CYFIP1: variants seen among roughly 807,000 people sequenced by gnomAD.
The protein encoded by CYFIP1 is cytoplasmic FMR1 interacting protein 1.
A neutral mutation model predicts 163.5 loss-of-function variants in CYFIP1; 58 were observed. That is an observed-to-expected ratio of 0.35 (90% CI 0.29 to 0.44). The LOEUF is 0.44. Ranked by LOEUF, CYFIP1 falls within the 20% of genes least tolerant of loss-of-function variation. The probability of loss-of-function intolerance (pLI) is 1.00; values close to 1 mark genes in which losing one functional copy is unlikely to be tolerated. For synonymous variants in CYFIP1, 663 were observed against 660.7 expected, an observed-to-expected ratio of 1.00 and a Z score of -0.05; for missense variants, 1,338 against 1,653.8, an observed-to-expected ratio of 0.81 and a Z score of 3.31.
At chr15:22,953,938 C>A (rs2062349757) in intron 1 of CYFIP1, among the ~76,000 whole-genome samples, 1 of 152,156 alleles carries the variant, frequency 6.6e-6, no homozygotes, top group Non-Finnish European at 1.5e-5. Context: ...CGCCTGTAGT[C>A]CCAGCTACTC....
At chr15:22,889,054 AC>A (rs989447244) in intron 23 of CYFIP1, among the ~76,000 whole-genome samples, 21 of 149,318 alleles carry the variant, frequency 1.4e-4, no homozygotes, top group Non-Finnish European at 2.9e-4. Flanking sequence ...AAAAAAACAC[AC>A]AAAAAAAACA....
At position 22,902,558 on chromosome 15, in the gene CYFIP1, A is replaced by C. The variant is rs558029984; in HGVS notation, c.2588+1148T>G. On this transcript the variant is annotated intron_variant, in intron 22 of 30. Coordinates refer to ENST00000617928, the MANE Select transcript of CYFIP1 (RefSeq NM_014608.6). ...TTGTGTAAGAATATTTTTGCAATTA[A>C]TTCCAAGCATAAACATCTTTTAAAA... is the stretch of plus-strand genomic sequence containing the variant. 8.5e-5 allele frequency among the ~76,000 whole-genome samples: 13 copies of C among 152,364 alleles called. No homozygotes were observed. In the South Asian group the frequency reaches 2.5e-3, roughly 29 times the overall value.
rs781590050 is a variant in CYFIP1, at chr15:22,917,727, T to A, written c.1674+61A>T. ...CCCGGGCCTCACCAGCCCCACCCGCTCACAGCTCAGGGTGGGTCCCCCCAG... is the reference window on the plus strand; with the variant it reads ...CCCGGGCCTCACCAGCCCCACCCGCACACAGCTCAGGGTGGGTCCCCCCAG... On this transcript the variant is annotated intron_variant, in intron 15 of 30. Transcript: ENST00000617928. This position sits in a 1 kb window ranked among gnomAD's most constrained non-coding sequence, Gnocchi z 4.2. 6.6e-7 allele frequency: 1 copy of A among 1,511,134 alleles called. No individual in the cohort carries two copies. The highest frequency in any genetic ancestry group is 8.8e-7 in the Non-Finnish European group (1 of 1,131,410). 93.6% of individuals were successfully genotyped at this position (1,511,134 alleles called of 1,614,324 possible). A position where few individuals can be genotyped will look rare whatever the true frequency, so the allele number is the denominator to read the frequency against.
chr15:22,908,999 C>T (rs555762528), intron 21 of CYFIP1, among the ~76,000 whole-genome samples, 195 bp downstream of exon 21: 1 of 151,942 alleles, frequency 6.6e-6, no homozygotes, highest in South Asian at 2.1e-4. Context: ...AGGCCACGCC[C>T]GATGAGTGCA....
At chr15:22,931,976 C>A (rs7165261) in intron 11 of CYFIP1, among the ~76,000 whole-genome samples, 2 of 152,092 alleles carry the variant, frequency 1.3e-5, no homozygotes, top group African/African-American at 4.8e-5. Context: ...AGGAGCCATC[C>A]GCTGTACCCT....
At position 22,867,463 on chromosome 15, in the gene CYFIP1, C is replaced by G; in HGVS notation, c.*2565G>C. ...ATGATCACCGTGAATCCGGCTTCCT[C>G]TGAGCATTCGATGGCCTTAGCACCT... On this transcript the variant is annotated 3_prime_UTR_variant, in exon 31 of 31. Transcript: ENST00000617928. 1 of 338,548 alleles carries G rather than the reference C, an allele frequency of 3.0e-6. No homozygotes were observed. Among genetic ancestry groups the G allele is most frequent in the Non-Finnish European group, 5.3e-6 (1 of 189,756 alleles). 21.0% of individuals were successfully genotyped at this position (338,548 alleles called of 1,614,324 possible).
chr15:22,870,328 G>GTT (rs2059396815), intron 30 of CYFIP1, 136 bp from the exon 31 acceptor site: 7 of 1,018,388 alleles, frequency 6.9e-6, no homozygotes, highest in Admixed American at 4.1e-5. Flanking sequence ...GTTCTTTTTG[G>GTT]GTTTTTTTTT....
chr15:22,869,798 C>A lies in CYFIP1; in HGVS notation c.*230G>T. On this transcript the variant is annotated 3_prime_UTR_variant, in exon 31 of 31. Coordinates refer to ENST00000617928, the MANE Select transcript of CYFIP1 (RefSeq NM_014608.6). The stretch of plus-strand genomic sequence containing the variant: ...CCATAGAAAAACAATTTTGTAGGAA[C>A]GTGATGGCAACAATCAGCAGCCAAT... 2.7e-6 allele frequency: 1 copy of A among 376,610 alleles called. No individual in the cohort carries two copies. The allele number at this position is 376,610 out of a possible 1,614,324, so 23.3% of individuals were successfully genotyped here.
chr15:22,868,679 C>G lies in CYFIP1; in HGVS notation c.*1349G>C, dbSNP rs922654460. ...GCAGTGTAACAGGATGGTTCGTACACTTACTACTTTTCTGTGCCGTGCATC... is the reference window on the plus strand; with the variant it reads ...GCAGTGTAACAGGATGGTTCGTACAGTTACTACTTTTCTGTGCCGTGCATC... On this transcript the variant is annotated 3_prime_UTR_variant, in exon 31 of 31. Coordinates refer to ENST00000617928, the MANE Select transcript of CYFIP1 (RefSeq NM_014608.6). The G allele has an allele frequency of 2.0e-5, 3 of 152,116 alleles. No individual in the cohort carries two copies. The highest frequency in any genetic ancestry group is 1.3e-4 in the Admixed American group (2 of 15,272). The allele number at this position is 152,116 out of a possible 1,614,324, so 9.4% of individuals were successfully genotyped here. A position where few individuals can be genotyped will look rare whatever the true frequency, so the allele number is the denominator to read the frequency against.
chr15:22,898,091 A>G (rs2060288851), intron 22 of CYFIP1, among the ~76,000 whole-genome samples: 1 of 152,056 alleles, frequency 6.6e-6, no homozygotes, highest in African/African-American at 2.4e-5. Flanking sequence ...GTGCTTTCAG[A>G]TGGAAGTCAG....
chr15:22,881,695 C>G lies in CYFIP1; in HGVS notation c.2911+151G>C, dbSNP rs1180872059. 10 of 724,760 alleles carry G rather than the reference C, an allele frequency of 1.4e-5. No individual in the cohort carries two copies. The East Asian group carries it at 2.7e-4, about 20-fold the overall frequency. 44.9% of individuals were successfully genotyped at this position (724,760 alleles called of 1,614,324 possible). On this transcript the variant is annotated intron_variant, in intron 25 of 30. Coordinates refer to ENST00000617928, the MANE Select transcript of CYFIP1 (RefSeq NM_014608.6). ...GCTTCCTCGCCTGCAGACAGTGACC[C>G]CAACACACCTCTTCCTGGTTGTAAG...
chr15:22,915,959 C>T (rs180934877), intron 16 of CYFIP1, among the ~76,000 whole-genome samples: 21 of 152,288 alleles, frequency 1.4e-4, no homozygotes, highest in Admixed American at 1.2e-3. Flanking sequence ...GCACCCCAGC[C>T]AAGACAGCAG....
intron 11 of CYFIP1, among the ~76,000 whole-genome samples, chr15:22,931,455 CT>C (rs1184119567): frequency 1.3e-5 from 2 of 152,084 alleles, no homozygotes; most frequent in Non-Finnish European, 2.9e-5. Flanking sequence ...CCTGGGACGT[CT>C]TCTGACAGCC....
chr15:22,910,442 G>C (rs907749893), intron 20 of CYFIP1, 78 bp downstream of exon 20: 1 of 1,224,830 alleles, frequency 8.2e-7, no homozygotes, highest in South Asian at 1.2e-5. Flanking sequence ...TTACAGGCGT[G>C]AGCCACCGCA....
chr15:22,969,788 T>A (rs569092521), intron 1 of CYFIP1, among the ~76,000 whole-genome samples: 1 of 152,026 alleles, frequency 6.6e-6, no homozygotes, highest in Non-Finnish European at 1.5e-5. Context: ...AAAATACAAG[T>A]ACGGTGAAAC....
At position 22,917,866 on chromosome 15, in the gene CYFIP1, G is replaced by C. The variant is rs1456848013; in HGVS notation, c.1596C>G (p.Ala532=). 6 of 1,613,938 alleles carry C rather than the reference G, an allele frequency of 3.7e-6. No homozygotes were observed. The highest frequency in any genetic ancestry group is 5.1e-6 in the Non-Finnish European group (6 of 1,179,942). The change falls in exon 15 of 31, where the codon GCC becomes GCG. Residue 532 remains alanine (A), a synonymous_variant. Coordinates refer to ENST00000617928, the MANE Select transcript of CYFIP1 (RefSeq NM_014608.6). The surrounding 1 kb of genome is among the most constrained non-coding windows in gnomAD (Gnocchi z 4.2). Reference sequence around the variant, plus strand: ...TCTTGGGGTCCTTCTCGCCCCGCAAGGCTGGGTCATTGAAGGGCTCATGCC... The same window carrying C: ...TCTTGGGGTCCTTCTCGCCCCGCAACGCTGGGTCATTGAAGGGCTCATGCC... ...ETGHEPFNDP[A]LRGEKDPKSG...
intron 13 of CYFIP1, among the ~76,000 whole-genome samples, chr15:22,920,598 A>C (rs1352811945): frequency 6.6e-6 from 1 of 152,164 alleles, no homozygotes; most frequent in Non-Finnish European, 1.5e-5. Context: ...GTCTGCTTTT[A>C]ATTCATCCTT....
At chr15:22,958,365 T>C (rs1036335919) in intron 1 of CYFIP1, among the ~76,000 whole-genome samples, 2 of 152,196 alleles carry the variant, frequency 1.3e-5, no homozygotes, top group African/African-American at 4.8e-5. Flanking sequence ...GGATTACAGG[T>C]GTGAGGTAAT....
At position 22,973,773 on chromosome 15, in the gene CYFIP1, T is replaced by C. The variant is rs934720068; in HGVS notation, c.-7+6514A>G. On this transcript the variant is annotated intron_variant, in intron 1 of 30. Transcript: ENST00000617928. ...GGAATCAATCAACAAAGTGACAATC[T>C]ACAGAATGCAGGAAAATATCTGCAA... 2.0e-5 allele frequency among the ~76,000 whole-genome samples: 3 copies of C among 152,180 alleles called. 1 individual carries two copies. Among genetic ancestry groups the C allele is most frequent in the African/African-American group, 7.2e-5 (3 of 41,432 alleles).
Sources: allele counts gnomAD v4.1 joint callset (sites outside exome capture counted in the v4.1 genomes callset), GRCh38; gene constraint gnomAD v4.1.1; non-coding constraint Gnocchi (gnomAD v3.1); transcripts MANE v1.5; gene names NCBI Gene and HGNC (gene_info 2026-07-23, HGNC 2026-07-21).